Variants in ZNF112 observed in about 807,000 individuals in gnomAD.
ZNF112 encodes zinc finger protein 112.
ZNF112 carries 37 observed loss-of-function variants against 77.7 expected under a neutral mutation model. That is an observed-to-expected ratio of 0.48 (90% CI 0.37 to 0.63). The LOEUF (loss-of-function observed/expected upper bound fraction) is 0.63. Ranked by LOEUF, ZNF112 falls within the 20% of genes least tolerant of loss-of-function variation. The pLI is 0.00. For synonymous variants in ZNF112, 333 were observed against 363.6 expected, an observed-to-expected ratio of 0.92 and a Z score of 0.96; for missense variants, 950 against 1,077.4, an observed-to-expected ratio of 0.88 and a Z score of 1.66.
At chr19:44,331,070 G>A (rs562325837) in intron 3 of ZNF112, among the ~76,000 whole-genome samples, 10 of 152,154 alleles carry the variant, frequency 6.6e-5, no homozygotes, top group East Asian at 1.9e-4. Context: ...TGAGACTAAC[G>A]CGCTGCCAGC....
chr19:44,347,375 TA>T (rs1242710945), intron 1 of ZNF112, among the ~76,000 whole-genome samples: 3 of 152,186 alleles, frequency 2.0e-5, no homozygotes, highest in Non-Finnish European at 4.4e-5. Flanking sequence ...GCATTTCCTA[TA>T]ATTATTGATA....
intron 1 of ZNF112, among the ~76,000 whole-genome samples, chr19:44,347,485 A>ACTTTTTT (rs1555804139): frequency 3.0e-3 from 120 of 40,282 alleles, no homozygotes; most frequent in Middle Eastern, 0.045. Flanking sequence ...TTTTGGGTTG[A>ACTTTTTT]TTTTTTTTTT....
upstream of ZNF112, among the ~76,000 whole-genome samples, chr19:44,360,487 G>C (rs1367190677): frequency 6.6e-6 from 1 of 152,034 alleles, no homozygotes; most frequent in Non-Finnish European, 1.5e-5. Flanking sequence ...AAAAGGAATA[G>C]TGAAATATTG....
chr19:44,336,662 A>G lies in ZNF112; in HGVS notation c.181T>C (p.Leu61=). 6.2e-7 allele frequency: 1 copy of G among 1,614,016 alleles called. No homozygotes were observed. Among genetic ancestry groups the G allele is most frequent in the Non-Finnish European group, 8.5e-7 (1 of 1,179,964 alleles). Residue 61 remains leucine (L), a synonymous_variant, in exon 3 of 4, where the codon TTG becomes CTG. Transcript: ENST00000354340. ...ISQLEREEKL[L]MVETETPRDG... is the part of the protein sequence containing the mutation. The stretch of plus-strand genomic sequence containing the variant: ...CTTGGGGTTTCTGTCTCCACCATCA[A>G]AAGCTTTTCTTCTCTCTCCAGCTGG...
At position 44,329,599 on chromosome 19, in the gene ZNF112, A is replaced by C; in HGVS notation, c.558T>G (p.His186Gln). The C allele has an allele frequency of 6.2e-7, 1 of 1,614,134 alleles. No homozygotes were observed. Among genetic ancestry groups the C allele is most frequent in the Non-Finnish European group, 8.5e-7 (1 of 1,180,012 alleles). ...SWRKMYLKES[H>Q]NYQCRCQQIS... ...TTTGCTGACATCTACACTGATAATTATGTGACTCTTTCAGATACATTTTCC... is the reference window on the plus strand; with the variant it reads ...TTTGCTGACATCTACACTGATAATTCTGTGACTCTTTCAGATACATTTTCC... Residue 186 changes from histidine (H) to glutamine (Q), a missense_variant, in exon 4 of 4, where the codon CAT (histidine) becomes CAG (glutamine). Around this residue, in one of 3 missense-constraint regions of ZNF112, gnomAD observed 560 missense variants for 557.3 expected, o/e 1.00. Transcript: ENST00000354340.
intron 3 of ZNF112, 32 bp downstream of exon 3, chr19:44,336,591 T>C: frequency 6.4e-7 from 1 of 1,571,616 alleles, no homozygotes; most frequent in Non-Finnish European, 8.8e-7. Flanking sequence ...AGGGGCTCCC[T>C]GGCTGCTGTG....
At chr19:44,338,437 A>T (rs2123169557) in intron 2 of ZNF112, among the ~76,000 whole-genome samples, 1 of 152,308 alleles carries the variant, frequency 6.6e-6, no homozygotes, top group Middle Eastern at 3.4e-3. Flanking sequence ...TATAGTGGGG[A>T]AACTGCATAA....
intron 3 of ZNF112, among the ~76,000 whole-genome samples, chr19:44,334,107 G>T (rs1369099): frequency 0.088 from 13,357 of 152,184 alleles, 923 homozygotes; most frequent in African/African-American, 0.19. Context: ...GATATATTTA[G>T]ATATATTTAG....
intron 3 of ZNF112, 24 bp downstream of exon 3, chr19:44,336,599 G>C: frequency 6.3e-7 from 1 of 1,593,226 alleles, no homozygotes; most frequent in Non-Finnish European, 8.6e-7. Context: ...CCTGGCTGCT[G>C]TGTTCCTGCA....
At chr19:44,342,843 AG>A in intron 1 of ZNF112, among the ~76,000 whole-genome samples, 1 of 151,878 alleles carries the variant, frequency 6.6e-6, no homozygotes, top group East Asian at 1.9e-4. Context: ...GAAAAAGAAA[AG>A]GGGGAGAGGG....
intron 1 of ZNF112, among the ~76,000 whole-genome samples, chr19:44,364,633 GA>G (rs530616105): frequency 0.022 from 3,289 of 147,994 alleles, 108 homozygotes; most frequent in African/African-American, 0.076. Flanking sequence ...AAAATATTCA[GA>G]AAAAAAAATA....
At chr19:44,367,132 A>G (rs781710501) in exon 1 of ZNF112, 4 of 456,064 alleles carry the variant, frequency 8.8e-6, no homozygotes, top group South Asian at 1.5e-5. Flanking sequence ...CTTCTCGAAG[A>G]CAAGGAGGGC....
chr19:44,359,281 C>G (rs2884055), upstream of ZNF112, among the ~76,000 whole-genome samples: 1,128 of 144,106 alleles, frequency 7.8e-3, 23 homozygotes, highest in African/African-American at 0.028. Flanking sequence ...GTTGCTATTT[C>G]CTGCAGTTGC....
Position 44,329,090 on chromosome 19 carries a change from T to A in ZNF112, c.1067A>T (p.Asn356Ile). 1 of 1,613,948 alleles carries A rather than the reference T, an allele frequency of 6.2e-7. No homozygotes were observed. Among genetic ancestry groups the A allele is most frequent in the Non-Finnish European group, 8.5e-7 (1 of 1,179,982 alleles). Residue 356 changes from asparagine to isoleucine, a missense_variant, in exon 4 of 4, where the codon AAC (asparagine) becomes ATC (isoleucine). By Grantham distance (149) the Asn-to-Ile change is moderately radical (BLOSUM62 -3). Transcript: ENST00000354340. ...ATGACTGAAGGCTTTCTCATAAATG[T>A]TGTGCCTATAGGACATCTCACCTGT... ...IHTGEMSYRH[N>I]IYEKAFSHSL...
rs371158801 is a variant in ZNF112, at chr19:44,329,074, G to A, written c.1083C>T (p.Ala361=). ...MSYRHNIYEK[A]FSHSLDLNSI... ...TATTAAGGTCTAAGCTATGACTGAA[G>A]GCTTTCTCATAAATGTTGTGCCTAT... The change falls in exon 4 of 4, where the codon GCC becomes GCT. Residue 361 remains alanine (A), a synonymous_variant. Coordinates refer to ENST00000354340, the MANE Select transcript of ZNF112 (RefSeq NM_013380.4). 6.2e-7 allele frequency: 1 copy of A among 1,613,880 alleles called. No homozygotes were observed. The highest frequency in any genetic ancestry group is 8.5e-7 in the Non-Finnish European group (1 of 1,179,980).
chr19:44,344,812 T>C (rs999169689), intron 1 of ZNF112, among the ~76,000 whole-genome samples: 1 of 152,114 alleles, frequency 6.6e-6, no homozygotes. Flanking sequence ...CATCAGACTA[T>C]TGAAACAGAA....
chr19:44,362,659 G>A (rs1424631050), intron 1 of ZNF112, among the ~76,000 whole-genome samples: 1 of 152,020 alleles, frequency 6.6e-6, no homozygotes, highest in Non-Finnish European at 1.5e-5. Context: ...TATTTACATA[G>A]AAATGCTGGA....
intron 1 of ZNF112, among the ~76,000 whole-genome samples, chr19:44,341,569 T>C (rs1330745444): frequency 6.6e-6 from 1 of 152,222 alleles, no homozygotes; most frequent in East Asian, 1.9e-4. Context: ...AAAAAAATCT[T>C]TCATAATCTC....
chr19:44,358,293 T>A (rs1970818866), upstream of ZNF112, among the ~76,000 whole-genome samples: 1 of 152,034 alleles, frequency 6.6e-6, no homozygotes, highest in Non-Finnish European at 1.5e-5. Context: ...GATTTTTTTT[T>A]ATAAAATGAA....
Sources: allele counts gnomAD v4.1 joint callset (sites outside exome capture counted in the v4.1 genomes callset), GRCh38; gene constraint gnomAD v4.1.1; regional missense constraint gnomAD v4.1.1; transcripts MANE v1.5; gene names NCBI Gene and HGNC (gene_info 2026-07-23, HGNC 2026-07-21).